ZNF215: variants seen among roughly 807,000 people sequenced by gnomAD.
ZNF215 encodes the protein BWSCR2-associated zinc finger protein 2.
In ZNF215, 24 loss-of-function variants were observed where a neutral mutation model predicts 27.2. The observed-to-expected ratio is 0.88, with a 90% CI of 0.64 to 1.24. The LOEUF is 1.24. Ranked by LOEUF, ZNF215 falls within the 50% of genes most tolerant of loss-of-function variation. ZNF215 has a pLI of 0.00. For missense variants in ZNF215, 675 were observed against 605.7 expected, an observed-to-expected ratio of 1.11 and a Z score of -1.20; for synonymous variants, 210 against 204.0, an observed-to-expected ratio of 1.03 and a Z score of -0.25.
Position 6,956,182 on chromosome 11 carries a change from C to G in ZNF215, c.1205C>G (p.Thr402Arg). The change falls in exon 7 of 7, where the codon ACA (threonine) becomes AGA (arginine). Residue 402 changes from threonine (T) to arginine (R), a missense_variant. Thr to Arg is a moderately conservative substitution (Grantham distance 71, BLOSUM62 -1). Transcript: ENST00000278319. Reference sequence around the variant, plus strand: ...CTTATTCGACATCAGATCATTCACACAGGAGAGAAACCCTATAAATGCAGT... The same window carrying G: ...CTTATTCGACATCAGATCATTCACAGAGGAGAGAAACCCTATAAATGCAGT... Reference protein sequence around the residue: ...SSLIRHQIIHTGEKPYKCSEC... With the variant: ...SSLIRHQIIHRGEKPYKCSEC... 1.9e-6 allele frequency: 3 copies of G among 1,613,462 alleles called. No homozygotes were observed. The highest frequency in any genetic ancestry group is 2.5e-6 in the Non-Finnish European group (3 of 1,179,870).
chr11:6,959,860 C>T (rs1292963391), downstream of ZNF215, among the ~76,000 whole-genome samples: 3 of 151,982 alleles, frequency 2.0e-5, no homozygotes, highest in African/African-American at 7.3e-5. Context: ...ATGTGTGAGA[C>T]AATTGTTTAT....
chr11:6,959,792 T>G (rs1850477283), downstream of ZNF215, among the ~76,000 whole-genome samples: 1 of 152,136 alleles, frequency 6.6e-6, no homozygotes, highest in African/African-American at 2.4e-5. Flanking sequence ...GACCATTTTT[T>G]TAAAAGCAAG....
At position 6,970,782 on chromosome 11, in the gene ZNF215, T is replaced by C. The variant is rs535534143; in HGVS notation, c.806-13347T>C. On this transcript the variant is annotated intron_variant, in intron 5 of 5. Transcript: ENST00000529903. ...GTGTGCAGATACCTACTACAACATA[T>C]GCTCTGCTTCTTACTGAGCACAAAA... 1.9e-4 allele frequency among the ~76,000 whole-genome samples: 29 copies of C among 152,312 alleles called. 1 individual carries two copies. In the South Asian group the frequency reaches 5.0e-3, roughly 26 times the overall value.
In ZNF215 at chr11:6,970,583, G is replaced by C. The variant is rs183976582; in HGVS notation, c.806-13546G>C. Among the ~76,000 whole-genome samples the C allele has an allele frequency of 4.4e-3, 671 of 152,260 alleles. 5 individuals carry two copies. Among genetic ancestry groups the C allele is most frequent in the African/African-American group, 0.015 (630 of 41,554 alleles). ...TGCCTAGGATTTGCTTGAAAATACA[G>C]AGAAAAACAAGGGATAATTTAAACA... On this transcript the variant is annotated intron_variant, in intron 5 of 5. Coordinates refer to the ZNF215 transcript ENST00000529903.
At chr11:6,964,186 A>G (rs1323310067) in intron 5 of ZNF215, among the ~76,000 whole-genome samples, 9 of 151,988 alleles carry the variant, frequency 5.9e-5, no homozygotes, top group Non-Finnish European at 1.0e-4. Flanking sequence ...TATATATTCT[A>G]GATGGAAGTC....
chr11:6,980,123 C>T (rs1850917402), intron 5 of ZNF215, among the ~76,000 whole-genome samples: 1 of 152,040 alleles, frequency 6.6e-6, no homozygotes, highest in African/African-American at 2.4e-5. Context: ...TGTCAACAAT[C>T]AATCAGTTAA....
intron 5 of ZNF215, among the ~76,000 whole-genome samples, chr11:6,972,222 G>C (rs909298140): frequency 2.0e-5 from 3 of 152,034 alleles, no homozygotes; most frequent in Non-Finnish European, 4.4e-5. Flanking sequence ...AAATATTTTA[G>C]ACTTTATAGG....
At chr11:6,968,659 A>G (rs1419136663) in intron 5 of ZNF215, among the ~76,000 whole-genome samples, 1 of 151,942 alleles carries the variant, frequency 6.6e-6, no homozygotes. Context: ...TGAGCCCAGG[A>G]GTTCAAAACC....
At chr11:6,966,462 T>TC (rs925176018) in intron 5 of ZNF215, among the ~76,000 whole-genome samples, 4 of 148,434 alleles carry the variant, frequency 2.7e-5, no homozygotes, top group African/African-American at 5.0e-5. Context: ...CCTGTACATA[T>TC]CCCCCCCAAA....
chr11:6,958,271 T>C (rs1382927698), downstream of ZNF215, among the ~76,000 whole-genome samples: 3 of 152,204 alleles, frequency 2.0e-5, no homozygotes, highest in African/African-American at 7.2e-5. Context: ...CCAAGTCCAA[T>C]ATTTCAATTT....
At chr11:6,985,388 A>G (rs575946521), downstream of ZNF215, among the ~76,000 whole-genome samples, 4 of 152,314 alleles carry the variant, frequency 2.6e-5, no homozygotes, top group South Asian at 8.3e-4. Flanking sequence ...CCTAAGGAGC[A>G]TACCTCAAAA....
downstream of ZNF215, among the ~76,000 whole-genome samples, chr11:6,993,845 G>A (rs1276167226): frequency 6.6e-6 from 1 of 152,172 alleles, no homozygotes; most frequent in Admixed American, 6.5e-5. Context: ...GTACACATGT[G>A]CAGAGCAGAG....
intron 5 of ZNF215, among the ~76,000 whole-genome samples, chr11:6,969,125 A>T (rs963685658): frequency 6.6e-6 from 1 of 152,190 alleles, no homozygotes; most frequent in African/African-American, 2.4e-5. Context: ...TCCATTTCTA[A>T]ATGAAATCCA....
At chr11:6,949,578 T>C (rs1849967863) in intron 6 of ZNF215, among the ~76,000 whole-genome samples, 2 of 134,946 alleles carry the variant, frequency 1.5e-5, no homozygotes, top group Admixed American at 1.5e-4. Context: ...TTGATGGCGT[T>C]GTTTGTTTTT....
chr11:6,946,037 A>G (rs1353174848), intron 6 of ZNF215, among the ~76,000 whole-genome samples: 1 of 152,114 alleles, frequency 6.6e-6, no homozygotes, highest in African/African-American at 2.4e-5. Flanking sequence ...TACACAAGAT[A>G]CAGTTTAACT....
chr11:6,955,579 C>T (rs888516187), intron 6 of ZNF215, 111 bp from the exon 7 acceptor site: 3 of 1,146,134 alleles, frequency 2.6e-6, no homozygotes, highest in South Asian at 3.2e-5. Flanking sequence ...CTCACATTTC[C>T]ATTCTGTATT....
Position 6,926,646 on chromosome 11 carries a change from C to T in ZNF215, c.-365C>T, listed in dbSNP as rs1277139712. ...ACCAACGCCAGCTCCCTTCACTGTC[C>T]AAGACAGCGATTCCGCGGCTCCTCT... On this transcript the variant is annotated 5_prime_UTR_variant, in exon 1 of 7. Coordinates refer to ENST00000278319, the MANE Select transcript of ZNF215 (RefSeq NM_013250.4). The T allele has an allele frequency of 6.6e-6, 1 of 152,252 alleles. No individual in the cohort carries two copies. Among genetic ancestry groups the T allele is most frequent in the Non-Finnish European group, 1.5e-5 (1 of 68,110 alleles). 9.4% of individuals were successfully genotyped at this position (152,252 alleles called of 1,614,324 possible).
chr11:6,949,676 G>C (rs1239547360), intron 6 of ZNF215, among the ~76,000 whole-genome samples: 1 of 152,130 alleles, frequency 6.6e-6, no homozygotes, highest in African/African-American at 2.4e-5. Flanking sequence ...CTCCCATTTT[G>C]TGGGTTGCCT....
At chr11:6,972,390 T>A (rs1850735462) in intron 5 of ZNF215, among the ~76,000 whole-genome samples, 1 of 131,198 alleles carries the variant, frequency 7.6e-6, no homozygotes, top group Non-Finnish European at 1.6e-5. Context: ...CCCGTTAGAC[T>A]AAGTTTATCC....
Sources: allele counts gnomAD v4.1 joint callset (sites outside exome capture counted in the v4.1 genomes callset), GRCh38; gene constraint gnomAD v4.1.1; transcripts MANE v1.5; gene names NCBI Gene and HGNC (gene_info 2026-07-23, HGNC 2026-07-21).